The following FAT3 variants were observed in gnomAD, a reference collection of about 807,000 sequenced individuals.
FAT3 encodes FAT atypical cadherin 3.
In FAT3, 95 loss-of-function variants were observed where a neutral mutation model predicts 310.2. The ratio of observed to expected loss-of-function variants is 0.31; its 90% CI spans 0.26 to 0.36. The LOEUF (loss-of-function observed/expected upper bound fraction) is 0.36, where lower values mean the gene tolerates loss of function less well. FAT3 is among the 10% of genes least tolerant of loss of function. FAT3 has a pLI of 1.00. For synonymous variants in FAT3, 2,314 were observed against 2,192.9 expected (o/e 1.06, Z -1.54); for missense variants, 5,408 against 5,715.6 (o/e 0.95, Z 1.74).
intron 21 of FAT3, among the ~76,000 whole-genome samples, chr11:92,863,988 G>A (rs986754638): frequency 9.2e-5 from 14 of 152,186 alleles, no homozygotes; most frequent in South Asian, 4.1e-4. Flanking sequence ...GCTAAGAATC[G>A]TGTAGGCATC....
chr11:92,734,153 G>A (rs887417101), intron 4 of FAT3, among the ~76,000 whole-genome samples: 6 of 152,162 alleles, frequency 3.9e-5, no homozygotes, highest in Non-Finnish European at 7.3e-5. Flanking sequence ...ATTGTGGTAA[G>A]AATTCTTAAT....
At chr11:92,424,096 G>T (rs1309719198) in intron 2 of FAT3, among the ~76,000 whole-genome samples, 1 of 151,960 alleles carries the variant, frequency 6.6e-6, no homozygotes, top group Non-Finnish European at 1.5e-5. Context: ...GCTTTGTTTT[G>T]TTTTTTTATT....
At chr11:92,517,430 C>A (rs568643799) in intron 2 of FAT3, among the ~76,000 whole-genome samples, 4 of 152,262 alleles carry the variant, frequency 2.6e-5, no homozygotes, top group Non-Finnish European at 1.5e-5. Flanking sequence ...ATGCAGAAAA[C>A]TGAAACTGGA....
intron 3 of FAT3, among the ~76,000 whole-genome samples, chr11:92,693,027 G>A (rs1943840110): frequency 6.6e-6 from 1 of 152,080 alleles, no homozygotes; most frequent in Non-Finnish European, 1.5e-5. Flanking sequence ...ATTCTGTTTG[G>A]AACAGGCAGC....
At chr11:92,843,904 T>C (rs4753419) in intron 18 of FAT3, 30 bp from the exon 19 acceptor site, 619,095 of 1,549,394 alleles carry the variant, frequency 0.4, 124,705 homozygotes, top group East Asian at 0.48. Flanking sequence ...TTTCTTCCTT[T>C]GTTGCCTTTT....
chr11:92,482,661 G>T (rs934534023), intron 2 of FAT3, among the ~76,000 whole-genome samples: 1 of 152,128 alleles, frequency 6.6e-6, no homozygotes, highest in African/African-American at 2.4e-5. Flanking sequence ...CAGCTCTGCA[G>T]TTCTGGCAGC....
intron 3 of FAT3, among the ~76,000 whole-genome samples, chr11:92,577,518 G>A (rs1446498302): frequency 6.6e-6 from 1 of 152,038 alleles, no homozygotes; most frequent in Non-Finnish European, 1.5e-5. Flanking sequence ...GATCAAATCA[G>A]GGTAATTAGC....
intron 8 of FAT3, among the ~76,000 whole-genome samples, chr11:92,790,957 C>T (rs1247668925): frequency 6.6e-6 from 1 of 152,154 alleles, no homozygotes; most frequent in Admixed American, 6.5e-5. Context: ...CCTTTAAGAC[C>T]AGGTAGAAGG....
At chr11:92,295,454 C>A (rs1401258275) in intron 1 of FAT3, among the ~76,000 whole-genome samples, 1 of 152,092 alleles carries the variant, frequency 6.6e-6, no homozygotes, top group Non-Finnish European at 1.5e-5. Context: ...CCGAGCTGTG[C>A]CGTGTCTGAA....
At chr11:92,475,520 C>T (rs188214280) in intron 2 of FAT3, among the ~76,000 whole-genome samples, 51 of 151,822 alleles carry the variant, frequency 3.4e-4, no homozygotes, top group African/African-American at 1.2e-3. Flanking sequence ...TTCATGGCCC[C>T]CACAGAGACA....
intron 2 of FAT3, among the ~76,000 whole-genome samples, chr11:92,394,889 G>A (rs1407662250): frequency 6.6e-6 from 1 of 152,074 alleles, no homozygotes; most frequent in Non-Finnish European, 1.5e-5. Context: ...TTCCTACACT[G>A]CCTAACTTTT....
intron 2 of FAT3, among the ~76,000 whole-genome samples, chr11:92,486,130 G>GTTTTTTT (rs71064714): frequency 0.062 from 2,313 of 37,074 alleles, 325 homozygotes; most frequent in East Asian, 0.17. Context: ...GGCTGCTGGG[G>GTTTTTTT]TTTTTTTTTT....
In FAT3 at chr11:92,292,964, G is replaced by T. The variant is rs936038018; in HGVS notation, c.-17-59132G>T. Among the ~76,000 whole-genome samples the T allele has an allele frequency of 2.0e-5, 3 of 151,344 alleles. No homozygotes were observed. The East Asian group carries it at 5.9e-4, about 30-fold the overall frequency. On this transcript the variant is annotated intron_variant, in intron 1 of 27. Transcript: ENST00000525166. The stretch of plus-strand genomic sequence containing the variant: ...GGAGTTGGAGGGTGTAGTGGACAAT[G>T]ATTGCACTTGTGAATAGCCACAGCC...
chr11:92,323,082 G>A (rs562264483), intron 1 of FAT3, among the ~76,000 whole-genome samples: 8 of 152,246 alleles, frequency 5.3e-5, no homozygotes, highest in African/African-American at 1.9e-4. Context: ...AAGACTTGAA[G>A]TTGATCCATG....
intron 3 of FAT3, among the ~76,000 whole-genome samples, chr11:92,544,686 C>G (rs537294168): frequency 5.6e-4 from 85 of 152,270 alleles, no homozygotes; most frequent in African/African-American, 1.9e-3. Flanking sequence ...GCCCTGCCCC[C>G]AGTCAGGAAA....
intron 2 of FAT3, among the ~76,000 whole-genome samples, chr11:92,516,519 C>T (rs974211008): frequency 6.6e-6 from 1 of 152,094 alleles, no homozygotes; most frequent in African/African-American, 2.4e-5. Flanking sequence ...ATGACAAGCC[C>T]ATAGCCAATA....
chr11:92,556,443 G>T (rs941043378), intron 3 of FAT3, among the ~76,000 whole-genome samples: 1 of 152,106 alleles, frequency 6.6e-6, no homozygotes, highest in African/African-American at 2.4e-5. Context: ...CCTTGGCAAA[G>T]ATGGTATGTT....
intron 2 of FAT3, among the ~76,000 whole-genome samples, chr11:92,490,238 T>G (rs953586897): frequency 6.6e-6 from 1 of 152,198 alleles, no homozygotes; most frequent in Non-Finnish European, 1.5e-5. Context: ...TCAGTTCTAA[T>G]GGTCTCTACT....
chr11:92,474,685 T>A (rs536848248), intron 2 of FAT3, among the ~76,000 whole-genome samples: 1 of 152,168 alleles, frequency 6.6e-6, no homozygotes, highest in South Asian at 2.1e-4. Context: ...GAAAGCTCCC[T>A]GGAGATGGAA....
Sources: gnomAD v4.1 joint callset for allele counts (sites outside exome capture counted in the v4.1 genomes callset) on GRCh38, gnomAD v4.1.1 for gene constraint, MANE v1.5 for transcripts, NCBI Gene and HGNC (gene_info 2026-07-23, HGNC 2026-07-21) for gene names.